UPK3A: variants seen among roughly 807,000 people sequenced by gnomAD.
The protein encoded by UPK3A is uroplakin-3a.
A neutral mutation model predicts 27.6 loss-of-function variants in UPK3A; 32 were observed. The ratio of observed to expected loss-of-function variants is 1.16; its 90% CI spans 0.87 to 1.55. The LOEUF (loss-of-function observed/expected upper bound fraction) is 1.55, where lower values mean the gene tolerates loss of function less well. Among genes scored for constraint, UPK3A ranks in the 40% most tolerant of loss-of-function variants. The pLI, the probability that UPK3A is intolerant of heterozygous loss-of-function variation, is 0.00. For synonymous variants in UPK3A, 171 were observed against 163.9 expected (o/e 1.04, Z -0.33); for missense variants, 370 against 367.9 (o/e 1.01, Z -0.05).
At chr22:45,293,000 A>G (rs1413234542) in intron 4 of UPK3A, among the ~76,000 whole-genome samples, 181 bp from the exon 5 acceptor site, 7 of 152,048 alleles carry the variant, frequency 4.6e-5, no homozygotes, top group Non-Finnish European at 8.8e-5. Context: ...AAAGTTGGAA[A>G]GTGGAATGTG....
intron 5 of UPK3A, 46 bp from the exon 6 acceptor site, chr22:45,295,514 T>C: frequency 6.2e-7 from 1 of 1,612,732 alleles, no homozygotes; most frequent in Non-Finnish European, 8.5e-7. Flanking sequence ...GGCATTTGGG[T>C]TTGCTCTGGT....
At chr22:45,285,342 A>G (rs527698535) in intron 1 of UPK3A, among the ~76,000 whole-genome samples, 1 of 152,268 alleles carries the variant, frequency 6.6e-6, no homozygotes, top group Non-Finnish European at 1.5e-5. Context: ...TGACGCCTGG[A>G]CGGGGGCAGA....
chr22:45,289,240 A>G, intron 4 of UPK3A, 97 bp downstream of exon 4: 1 of 1,282,132 alleles, frequency 7.8e-7, no homozygotes, highest in South Asian at 1.2e-5. Context: ...GTCCCTGTGA[A>G]AGCCTCCCAG....
In UPK3A at chr22:45,295,661, T is replaced by A. The variant is rs771110606; in HGVS notation, c.806T>A (p.Val269Glu). The A allele has an allele frequency of 6.2e-7, 1 of 1,613,848 alleles. No individual in the cohort carries two copies. The highest frequency in any genetic ancestry group is 1.1e-5 in the South Asian group (1 of 91,066). Residue 269 changes from valine (V) to glutamate (E), a missense_variant, in exon 6 of 6, where the codon GTG (valine) becomes GAG (glutamate). Transcript: ENST00000216211. ...GCCTCGGAGTCTTCCTACACGTCCG[T>A]GAACCGGGGGCCGCCACTGGACAGG... ...LGASESSYTS[V>E]NRGPPLDRAE...
chr22:45,288,069 ACCCACCCAAACCC>A (rs2084132018), intron 3 of UPK3A, among the ~76,000 whole-genome samples: 1 of 152,060 alleles, frequency 6.6e-6, no homozygotes, highest in Admixed American at 6.6e-5. Context: ...TGTGGAAGTC[ACCCACCCAAACCC>A]CTTCGTCTTA....
intron 1 of UPK3A, 122 bp from the exon 2 acceptor site, chr22:45,285,819 G>C (rs2084113636): frequency 7.2e-7 from 1 of 1,391,270 alleles, no homozygotes; most frequent in Non-Finnish European, 9.9e-7. Context: ...CAGCTTATGC[G>C]GTGGCCCAGG....
Position 45,293,243 on chromosome 22 carries a change from A to G in UPK3A, c.634A>G (p.Thr212Ala), listed in dbSNP as rs756038584. 2 of 1,614,082 alleles carry G rather than the reference A, an allele frequency of 1.2e-6. No individual in the cohort carries two copies. The highest frequency in any genetic ancestry group is 1.7e-6 in the Non-Finnish European group (2 of 1,180,026). ...GRRSGGMIVI[T>A]SILGSLPFFL... is the part of the protein sequence containing the mutation. ...GCGGAGCGGAGGCATGATCGTCATC[A>G]CTTCCATCCTGGGCTCCCTGCCCTT... Residue 212 changes from threonine to alanine, a missense_variant, in exon 5 of 6, where the codon ACT becomes GCT. Thr to Ala is a moderately conservative substitution (Grantham distance 58). Transcript: ENST00000216211.
At chr22:45,292,248 TG>T (rs1166146511) in intron 4 of UPK3A, among the ~76,000 whole-genome samples, 2 of 152,176 alleles carry the variant, frequency 1.3e-5, no homozygotes, top group Non-Finnish European at 2.9e-5. Flanking sequence ...CCAGTTTTTT[TG>T]GGGGAGGACC....
chr22:45,285,759 G>A (rs771822443), intron 1 of UPK3A, among the ~76,000 whole-genome samples, 182 bp from the exon 2 acceptor site: 2 of 152,144 alleles, frequency 1.3e-5, no homozygotes, highest in Non-Finnish European at 2.9e-5. Context: ...AGTTTGGCCC[G>A]ACCGCTCCAT....
chr22:45,293,429 G>A lies in UPK3A; in HGVS notation c.704+116G>A, dbSNP rs1056000713. Reference sequence around the variant, plus strand: ...AGGGGACAGCCCGGAAGGCAAGGAAGCTACCCTCTGCCCCGCGGGTGGGGT... The same window carrying A: ...AGGGGACAGCCCGGAAGGCAAGGAAACTACCCTCTGCCCCGCGGGTGGGGT... On this transcript the variant is annotated intron_variant, in intron 5 of 5. Transcript: ENST00000216211. 12 of 1,352,874 alleles carry A rather than the reference G, an allele frequency of 8.9e-6. No individual in the cohort carries two copies. The African/African-American group carries it at 1.7e-4, about 19-fold the overall frequency. The allele number at this position is 1,352,874 out of a possible 1,614,324, so 83.8% of individuals were successfully genotyped here.
intron 4 of UPK3A, among the ~76,000 whole-genome samples, chr22:45,290,704 C>A (rs1601849213): frequency 6.6e-6 from 1 of 152,008 alleles, no homozygotes; most frequent in Non-Finnish European, 1.5e-5. Context: ...AGGAACGGGA[C>A]CGCGCAGCAG....
intron 4 of UPK3A, 44 bp downstream of exon 4, chr22:45,289,187 A>G: frequency 6.2e-7 from 1 of 1,603,604 alleles, no homozygotes. Context: ...AGGGGACCCG[A>G]GAAGGCGGGG....
At chr22:45,295,047 T>C (rs1173384327) in intron 5 of UPK3A, among the ~76,000 whole-genome samples, 3 of 152,110 alleles carry the variant, frequency 2.0e-5, no homozygotes, top group South Asian at 2.1e-4. Context: ...TTTGTATTTT[T>C]AGTAGAGACA....
At chr22:45,291,208 G>A (rs572153133) in intron 4 of UPK3A, among the ~76,000 whole-genome samples, 72 of 152,030 alleles carry the variant, frequency 4.7e-4, no homozygotes, top group African/African-American at 1.6e-3. Context: ...GTGTGAATAT[G>A]AGGGTGTGTG....
intron 1 of UPK3A, 66 bp downstream of exon 1, chr22:45,285,131 C>T (rs1478677748): frequency 1.4e-6 from 2 of 1,426,692 alleles, no homozygotes; most frequent in African/African-American, 1.5e-5. Flanking sequence ...CTGGGGCGCC[C>T]GCCGCCTGGA....
At chr22:45,293,394 C>A in intron 5 of UPK3A, 81 bp downstream of exon 5, 1 of 1,580,218 alleles carries the variant, frequency 6.3e-7, no homozygotes, top group Non-Finnish European at 8.6e-7. Flanking sequence ...GCAGTGGGGT[C>A]CTCCGAGGCA....
At chr22:45,288,773 G>A (rs2084137665) in intron 3 of UPK3A, among the ~76,000 whole-genome samples, 1 of 152,220 alleles carries the variant, frequency 6.6e-6, no homozygotes, top group Non-Finnish European at 1.5e-5. Context: ...GAAATGGAGG[G>A]GAGCTCTAAG....
Position 45,295,766 on chromosome 22 carries a change from C to T in UPK3A, c.*47C>T, listed in dbSNP as rs1398370041. 6.2e-7 allele frequency: 1 copy of T among 1,609,564 alleles called. No homozygotes were observed. Among genetic ancestry groups the T allele is most frequent in the African/African-American group, 1.3e-5 (1 of 74,834 alleles). The stretch of plus-strand genomic sequence containing the variant: ...GCAGCATCCTCCTCTCTGGCCTTGC[C>T]CCAGGCCCTGCAGCGGTGGTTGTCA... On this transcript the variant is annotated 3_prime_UTR_variant, in exon 6 of 6. Transcript: ENST00000216211.
In UPK3A at chr22:45,285,038, G is replaced by GC; in HGVS notation, c.28dup (p.Leu10ProfsTer41). 1 of 1,535,438 alleles carries GC rather than the reference G, an allele frequency of 6.5e-7. No homozygotes were observed. The highest frequency in any genetic ancestry group is 8.7e-7 in the Non-Finnish European group (1 of 1,147,676). ...GATGCCTCCGCTCTGGGCCCTGCTG[G>GC]CCCTCGGCTGCCTGCGGTTCGGCTC... On this transcript the variant is annotated frameshift_variant, in exon 1 of 6. Transcript: ENST00000216211. LOFTEE classifies it high-confidence loss of function.
Sources: allele counts gnomAD v4.1 joint callset (sites outside exome capture counted in the v4.1 genomes callset), GRCh38; gene constraint gnomAD v4.1.1; transcripts MANE v1.5; gene names NCBI Gene and HGNC (gene_info 2026-07-23, HGNC 2026-07-21).